CNTN5: variants seen among roughly 807,000 people sequenced by gnomAD.
The protein encoded by CNTN5 is contactin-5.
Under a neutral mutation model 129.1 loss-of-function variants are expected in CNTN5, and 77 were observed. The ratio of observed to expected loss-of-function variants is 0.60; its 90% CI spans 0.50 to 0.72. CNTN5 has a LOEUF of 0.72. CNTN5 is among the 30% of genes least tolerant of loss of function. The probability of loss-of-function intolerance (pLI) is 0.00; values close to 1 mark genes in which losing one functional copy is unlikely to be tolerated. For synonymous variants in CNTN5, 509 were observed against 465.6 expected (o/e 1.09, Z -1.20); for missense variants, 1,478 against 1,328.8 (o/e 1.11, Z -1.75).
intron 17 of CNTN5, among the ~76,000 whole-genome samples, chr11:100,260,752 A>G (rs1036474233): frequency 6.6e-6 from 1 of 152,242 alleles, no homozygotes; most frequent in Non-Finnish European, 1.5e-5. Flanking sequence ...ACAACGCTTC[A>G]TGCTAAAAAC....
chr11:99,479,878 AT>A lies in CNTN5; in HGVS notation c.-70-76258del, dbSNP rs143970216. 2.2e-3 allele frequency among the ~76,000 whole-genome samples: 326 copies of A among 151,024 alleles called. 3 individuals carry two copies. The highest frequency in any genetic ancestry group is 7.2e-3 in the African/African-American group (297 of 41,286). Reference sequence around the variant, plus strand: ...ACACATTTAATTTTCACAGCTGTTTATTTTTTTTTGTCCAGTTTAGTTTATT... The same window carrying A: ...ACACATTTAATTTTCACAGCTGTTTATTTTTTTTGTCCAGTTTAGTTTATT... On this transcript the variant is annotated intron_variant, in intron 2 of 24. Coordinates refer to ENST00000524871, the MANE Select transcript of CNTN5 (RefSeq NM_014361.4).
At chr11:100,099,612 A>G (rs1945149496) in intron 13 of CNTN5, among the ~76,000 whole-genome samples, 1 of 152,044 alleles carries the variant, frequency 6.6e-6, no homozygotes, top group African/African-American at 2.4e-5. Context: ...ATGTTTATGA[A>G]TGCTAATTCT....
At chr11:99,361,501 T>G (rs187978114) in intron 2 of CNTN5, among the ~76,000 whole-genome samples, 20 of 152,330 alleles carry the variant, frequency 1.3e-4, no homozygotes, top group African/African-American at 4.8e-4. Flanking sequence ...ATATTTAACA[T>G]AAAATGTATC....
intron 1 of CNTN5, among the ~76,000 whole-genome samples, chr11:99,235,905 G>A (rs1861234801): frequency 1.3e-5 from 2 of 152,182 alleles, no homozygotes; most frequent in South Asian, 2.1e-4. Flanking sequence ...GGAAGGCAAG[G>A]AACCTGGAAG....
intron 3 of CNTN5, among the ~76,000 whole-genome samples, chr11:99,646,429 C>CT (rs1429208464): frequency 6.6e-6 from 1 of 152,188 alleles, no homozygotes; most frequent in African/African-American, 2.4e-5. Flanking sequence ...TAAGGCCATG[C>CT]TTTTTTCTAC....
chr11:99,502,443 T>C (rs1186953080), intron 2 of CNTN5, among the ~76,000 whole-genome samples: 2 of 152,118 alleles, frequency 1.3e-5, no homozygotes, highest in Admixed American at 6.5e-5. Context: ...CTCCACGCTG[T>C]TCTCATAATA....
At chr11:99,513,197 A>G (rs1011811661) in intron 2 of CNTN5, among the ~76,000 whole-genome samples, 3 of 152,172 alleles carry the variant, frequency 2.0e-5, no homozygotes, top group African/African-American at 7.2e-5. Context: ...AATACAGAGA[A>G]AAGCCCTTAC....
intron 2 of CNTN5, among the ~76,000 whole-genome samples, chr11:99,334,632 C>T (rs1016523955): frequency 6.6e-6 from 1 of 152,026 alleles, no homozygotes; most frequent in Non-Finnish European, 1.5e-5. Flanking sequence ...AAGATAGCTA[C>T]TAGCCACATG....
At chr11:99,575,597 C>T (rs940692138) in intron 3 of CNTN5, among the ~76,000 whole-genome samples, 18 of 152,120 alleles carry the variant, frequency 1.2e-4, no homozygotes, top group Admixed American at 2.0e-4. Flanking sequence ...ATTCTGTTTT[C>T]CAAAGTAAGT....
chr11:99,256,024 A>G (rs1862362130), intron 1 of CNTN5, among the ~76,000 whole-genome samples: 1 of 152,134 alleles, frequency 6.6e-6, no homozygotes, highest in Non-Finnish European at 1.5e-5. Context: ...GGCTAGAAAT[A>G]TTTCTATCAT....
At chr11:99,764,366 T>TAA (rs34573820) in intron 3 of CNTN5, among the ~76,000 whole-genome samples, 46 of 150,700 alleles carry the variant, frequency 3.1e-4, no homozygotes, top group South Asian at 6.3e-4. Flanking sequence ...TCAGCCACAT[T>TAA]AAAAAAAAAT....
chr11:99,252,256 A>G (rs974213158), intron 1 of CNTN5, among the ~76,000 whole-genome samples: 3 of 151,964 alleles, frequency 2.0e-5, no homozygotes, highest in South Asian at 2.1e-4. Context: ...GACCTTAACT[A>G]TAGCTTATTT....
chr11:99,869,723 A>C (rs1239021730), intron 6 of CNTN5, among the ~76,000 whole-genome samples: 1 of 152,192 alleles, frequency 6.6e-6, no homozygotes, highest in East Asian at 1.9e-4. Context: ...ATCTGGATCG[A>C]GCAGAGTGCA....
chr11:99,416,664 G>A (rs1444716624), intron 2 of CNTN5, among the ~76,000 whole-genome samples: 1 of 152,118 alleles, frequency 6.6e-6, no homozygotes, highest in Non-Finnish European at 1.5e-5. Context: ...ACAGTTGTAG[G>A]TAAAGAAAGA....
intron 2 of CNTN5, among the ~76,000 whole-genome samples, chr11:99,425,684 G>T (rs1375233586): frequency 6.6e-6 from 1 of 152,254 alleles, no homozygotes; most frequent in South Asian, 2.1e-4. Context: ...GCTTTCAAGG[G>T]CAGGGGTTGC....
At position 99,335,056 on chromosome 11, in the gene CNTN5, G is replaced by A. The variant is rs144032999; in HGVS notation, c.-71+9572G>A. Among the ~76,000 whole-genome samples, 1,051 of 152,210 alleles carry A rather than the reference G, an allele frequency of 6.9e-3. 18 individuals are homozygous for A. Among genetic ancestry groups the A allele is most frequent in the African/African-American group, 0.024 (1,004 of 41,540 alleles). On this transcript the variant is annotated intron_variant, in intron 2 of 24. Coordinates refer to ENST00000524871, the MANE Select transcript of CNTN5 (RefSeq NM_014361.4). ...AGTCGTATTCACTGGCACCAGAGCT[G>A]TTTCAACCACTGCTTCTAGGCCAAA... is the stretch of plus-strand genomic sequence containing the variant.
intron 7 of CNTN5, among the ~76,000 whole-genome samples, chr11:99,942,559 A>G (rs1002182335): frequency 2.6e-5 from 4 of 152,104 alleles, no homozygotes; most frequent in African/African-American, 9.7e-5. Flanking sequence ...CATGTGCAGA[A>G]TGTGCAGGTT....
chr11:99,516,025 G>A (rs75588556), intron 2 of CNTN5, among the ~76,000 whole-genome samples: 35 of 150,736 alleles, frequency 2.3e-4, no homozygotes, highest in East Asian at 7.8e-4. Context: ...TTTTCTGACC[G>A]CTTACCCTAC....
intron 2 of CNTN5, among the ~76,000 whole-genome samples, chr11:99,534,172 A>T (rs1276328121): frequency 6.6e-6 from 1 of 152,202 alleles, no homozygotes; most frequent in African/African-American, 2.4e-5. Context: ...TGTTGCAATA[A>T]ATACTTTTTG....
Sources: allele counts gnomAD v4.1 joint callset (sites outside exome capture counted in the v4.1 genomes callset), GRCh38; gene constraint gnomAD v4.1.1; transcripts MANE v1.5; gene names NCBI Gene and HGNC (gene_info 2026-07-23, HGNC 2026-07-21).